The following CCDC149 variants were observed in gnomAD, a reference collection of about 807,000 sequenced individuals.
CCDC149 encodes the protein coiled-coil domain containing 149, also known as coiled-coil domain-containing protein 149.
In CCDC149, 45 loss-of-function variants were observed where a neutral mutation model predicts 59.9. The ratio of observed to expected loss-of-function variants is 0.75; its 90% CI spans 0.59 to 0.96. CCDC149 has a LOEUF of 0.96. Among genes scored for constraint, CCDC149 ranks in the 40% least tolerant of loss-of-function variants. The pLI, the probability that CCDC149 is intolerant of heterozygous loss-of-function variation, is 0.00. For synonymous variants in CCDC149, 245 were observed against 260.6 expected (o/e 0.94, Z 0.58); for missense variants, 584 against 664.7 (o/e 0.88, Z 1.33).
At chr4:24,895,015 T>G (rs1226872966) in intron 1 of CCDC149, 1 of 1,536,344 alleles carries the variant, frequency 6.5e-7, no homozygotes, top group Non-Finnish European at 8.7e-7. Flanking sequence ...GTGGCCGCTC[T>G]GGCGATGATG....
chr4:24,976,926 C>T (rs917828776), intron 1 of CCDC149, among the ~76,000 whole-genome samples: 3 of 152,120 alleles, frequency 2.0e-5, no homozygotes, highest in Non-Finnish European at 2.9e-5. Flanking sequence ...ACAGGCTCTG[C>T]GCTTCCCAGG....
chr4:24,951,565 G>C (rs753285087), intron 1 of CCDC149, among the ~76,000 whole-genome samples: 1 of 152,074 alleles, frequency 6.6e-6, no homozygotes, highest in South Asian at 2.1e-4. Context: ...CTTACTCTGG[G>C]TTTTTCTGGT....
At chr4:24,887,148 C>A (rs911913322) in intron 1 of CCDC149, among the ~76,000 whole-genome samples, 1 of 151,956 alleles carries the variant, frequency 6.6e-6, no homozygotes, top group African/African-American at 2.4e-5. Flanking sequence ...TAAAGCAAAT[C>A]ATAATTGCTA....
chr4:24,913,597 G>A (rs1312755564), upstream of CCDC149, among the ~76,000 whole-genome samples: 3 of 151,908 alleles, frequency 2.0e-5, no homozygotes, highest in Non-Finnish European at 2.9e-5. Flanking sequence ...TTCTAAATAG[G>A]GCCAAAAACT....
chr4:24,931,432 T>C (rs1010268290), intron 1 of CCDC149, among the ~76,000 whole-genome samples: 6 of 151,362 alleles, frequency 4.0e-5, no homozygotes, highest in Non-Finnish European at 7.4e-5. Context: ...TACATATCCA[T>C]TGTGAGGTGT....
rs201486771 is a variant in CCDC149 at position 24,838,139 on chromosome 4, T to C, written c.489+17A>G. ...GTGCAAATGCATCCCCCACTCTGAA[T>C]AGATGTTAGTGAGAACCTGTTCCTT... On this transcript the variant is annotated intron_variant, in intron 5 of 12. Coordinates refer to ENST00000635206, the MANE Select transcript of CCDC149 (RefSeq NM_001330643.2). The C allele has an allele frequency of 4.3e-5, 67 of 1,574,810 alleles. No homozygotes were observed. The highest frequency in any genetic ancestry group is 1.7e-4 in the Middle Eastern group (1 of 5,980).
At chr4:24,887,687 T>A (rs1443986627) in intron 1 of CCDC149, among the ~76,000 whole-genome samples, 1 of 152,064 alleles carries the variant, frequency 6.6e-6, no homozygotes, top group African/African-American at 2.4e-5. Context: ...GGAACCTCTG[T>A]TTTGCTCTGC....
chr4:24,831,688 C>T (rs1020096926), intron 8 of CCDC149, 38 bp from the exon 9 acceptor site: 1 of 1,588,192 alleles, frequency 6.3e-7, no homozygotes, highest in Non-Finnish European at 8.6e-7. Context: ...AGTCGTCATT[C>T]TTCTGAAACG....
intron 1 of CCDC149, among the ~76,000 whole-genome samples, chr4:24,973,885 T>C (rs1724059047): frequency 6.6e-6 from 1 of 152,224 alleles, no homozygotes; most frequent in East Asian, 1.9e-4. Context: ...TGAACAGAGC[T>C]GCCTGCCTTA....
intron 1 of CCDC149, among the ~76,000 whole-genome samples, chr4:24,896,940 T>A (rs376407140): frequency 6.6e-6 from 1 of 152,206 alleles, no homozygotes; most frequent in South Asian, 2.1e-4. Context: ...AGGTTTGTCA[T>A]CTCTTTTAGA....
At chr4:24,854,476 G>C (rs558817953) in intron 3 of CCDC149, among the ~76,000 whole-genome samples, 2 of 152,242 alleles carry the variant, frequency 1.3e-5, no homozygotes, top group East Asian at 3.9e-4. Flanking sequence ...CTCCTGGAAG[G>C]GGGGATCATT....
At chr4:24,809,022 C>A (rs1577370024) in intron 12 of CCDC149, among the ~76,000 whole-genome samples, 1 of 152,170 alleles carries the variant, frequency 6.6e-6, no homozygotes, top group Non-Finnish European at 1.5e-5. Flanking sequence ...TCTAGTGATT[C>A]CTGCATTATT....
rs749696705 is a variant in CCDC149, at chr4:24,831,656, T to G, written c.821-6A>C. On this transcript the variant is annotated splice_polypyrimidine_tract_variant and splice_region_variant and intron_variant, in intron 8 of 12. Transcript: ENST00000635206. The stretch of plus-strand genomic sequence containing the variant: ...CTCAGATAGCAGATCCTGAACTAGA[T>G]AGGATACAAAATGTATAACTCAGTC... 14 of 1,611,928 alleles carry G rather than the reference T, an allele frequency of 8.7e-6. No homozygotes were observed. The highest frequency in any genetic ancestry group is 1.2e-5 in the Non-Finnish European group (14 of 1,179,288).
At chr4:24,908,182 G>A (rs577763575) in intron 1 of CCDC149, among the ~76,000 whole-genome samples, 1 of 152,218 alleles carries the variant, frequency 6.6e-6, no homozygotes, top group Non-Finnish European at 1.5e-5. Context: ...ATCGTTTTGG[G>A]GACACAGTAC....
intron 12 of CCDC149, among the ~76,000 whole-genome samples, chr4:24,810,057 C>G (rs963156265): frequency 6.6e-6 from 1 of 152,208 alleles, no homozygotes; most frequent in African/African-American, 2.4e-5. Context: ...AGTTTCATCA[C>G]ACGTGTCCTC....
chr4:24,862,484 G>A (rs1718444199), intron 3 of CCDC149, among the ~76,000 whole-genome samples: 5 of 152,130 alleles, frequency 3.3e-5, no homozygotes, highest in Admixed American at 3.3e-4. Flanking sequence ...GGGTCTCCCT[G>A]GCTACTCGCT....
At chr4:24,949,507 T>C (rs943694000) in intron 1 of CCDC149, among the ~76,000 whole-genome samples, 1 of 152,170 alleles carries the variant, frequency 6.6e-6, no homozygotes, top group African/African-American at 2.4e-5. Context: ...TATATTTGTT[T>C]ATTCACTCAT....
At chr4:24,951,532 A>C (rs1406498761) in intron 1 of CCDC149, among the ~76,000 whole-genome samples, 1 of 152,192 alleles carries the variant, frequency 6.6e-6, no homozygotes, top group Admixed American at 6.5e-5. Context: ...CAAAATTAGC[A>C]TTATTATAGC....
chr4:24,929,390 C>A (rs1722522234), intron 1 of CCDC149, among the ~76,000 whole-genome samples: 2 of 152,114 alleles, frequency 1.3e-5, no homozygotes, highest in South Asian at 4.1e-4. Flanking sequence ...CCCTCCTAAT[C>A]CTTAGCGCCA....
Sources: allele counts gnomAD v4.1 joint callset (sites outside exome capture counted in the v4.1 genomes callset), GRCh38; gene constraint gnomAD v4.1.1; transcripts MANE v1.5; gene names NCBI Gene and HGNC (gene_info 2026-07-23, HGNC 2026-07-21).